LRRC4C: variants seen among roughly 807,000 people sequenced by gnomAD.
The protein encoded by LRRC4C is leucine rich repeat containing 4C.
LRRC4C carries 5 observed loss-of-function variants against 33.6 expected under a neutral mutation model. The ratio of observed to expected loss-of-function variants is 0.15; its 90% CI spans 0.08 to 0.31. The LOEUF (loss-of-function observed/expected upper bound fraction) is 0.31, where lower values mean the gene tolerates loss of function less well. Among genes scored for constraint, LRRC4C ranks in the 10% least tolerant of loss-of-function variants. LRRC4C has a pLI of 1.00. For missense variants in LRRC4C, 560 were observed against 796.7 expected (o/e 0.70, Z 3.58); for synonymous variants, 329 against 302.0 (o/e 1.09, Z -0.93).
chr11:40,559,702 G>A (rs1230493817), intron 3 of LRRC4C, among the ~76,000 whole-genome samples: 4 of 151,928 alleles, frequency 2.6e-5, no homozygotes, highest in African/African-American at 9.7e-5. Flanking sequence ...TTTTTAATAG[G>A]TTTGACTTTT....
chr11:40,778,940 C>T (rs567889846), intron 2 of LRRC4C, among the ~76,000 whole-genome samples: 11 of 152,098 alleles, frequency 7.2e-5, no homozygotes, highest in Non-Finnish European at 1.6e-4. Context: ...GCAATGGAAA[C>T]CTGTTGCAGC....
intron 5 of LRRC4C, among the ~76,000 whole-genome samples, chr11:40,224,482 C>T (rs1199015027): frequency 6.6e-6 from 1 of 152,178 alleles, no homozygotes; most frequent in Non-Finnish European, 1.5e-5. Context: ...TACAATTTAA[C>T]ACAAAGAAAA....
At chr11:40,352,408 C>T (rs979444005) in intron 3 of LRRC4C, among the ~76,000 whole-genome samples, 1 of 151,834 alleles carries the variant, frequency 6.6e-6, no homozygotes, top group Non-Finnish European at 1.5e-5. Flanking sequence ...AACTTCATCC[C>T]ACTCCGCTTT....
intron 2 of LRRC4C, among the ~76,000 whole-genome samples, chr11:40,653,205 G>A (rs1224080714): frequency 6.6e-6 from 1 of 152,166 alleles, no homozygotes; most frequent in Non-Finnish European, 1.5e-5. Context: ...CTGAAAATAT[G>A]GAAGTGACTT....
chr11:40,186,030 C>T (rs1015257093), intron 5 of LRRC4C, among the ~76,000 whole-genome samples: 3 of 152,186 alleles, frequency 2.0e-5, no homozygotes, highest in Non-Finnish European at 4.4e-5. Flanking sequence ...CTTAGTACTT[C>T]CTGCAATCTG....
At chr11:40,417,360 C>G (rs1431882698) in intron 3 of LRRC4C, among the ~76,000 whole-genome samples, 2 of 151,824 alleles carry the variant, frequency 1.3e-5, no homozygotes, top group Non-Finnish European at 2.9e-5. Flanking sequence ...GAGATGGAGT[C>G]TTGCTCTGTG....
intron 1 of LRRC4C, among the ~76,000 whole-genome samples, chr11:40,981,413 C>CAAA (rs113295551): frequency 1.7e-5 from 2 of 117,620 alleles, no homozygotes; most frequent in African/African-American, 6.0e-5. Context: ...GACTCCGTCT[C>CAAA]AAAAAAAAAA....
chr11:40,531,408 G>A (rs1236652268), intron 3 of LRRC4C, among the ~76,000 whole-genome samples: 2 of 152,094 alleles, frequency 1.3e-5, no homozygotes, highest in Non-Finnish European at 2.9e-5. Context: ...CAAAGGGACT[G>A]TGATATGTAA....
At chr11:40,892,060 G>A (rs572767720) in intron 2 of LRRC4C, among the ~76,000 whole-genome samples, 12 of 150,308 alleles carry the variant, frequency 8.0e-5, no homozygotes, top group Non-Finnish European at 1.0e-4. Context: ...ACTTGAACCC[G>A]TGAGGCGGAG....
chr11:40,456,875 G>A (rs1477830252), intron 3 of LRRC4C, among the ~76,000 whole-genome samples: 1 of 150,268 alleles, frequency 6.7e-6, no homozygotes, highest in African/African-American at 2.4e-5. Flanking sequence ...GAAAGAGAAA[G>A]AGCATGGAGA....
At chr11:41,136,327 T>C (rs144980160) in intron 1 of LRRC4C, among the ~76,000 whole-genome samples, 1 of 152,214 alleles carries the variant, frequency 6.6e-6, no homozygotes, top group African/African-American at 2.4e-5. Flanking sequence ...GGAAACAATA[T>C]GTGAAAAGGA....
chr11:40,724,803 CAA>C (rs1947206749), intron 2 of LRRC4C, among the ~76,000 whole-genome samples: 1 of 151,790 alleles, frequency 6.6e-6, no homozygotes, highest in Non-Finnish European at 1.5e-5. Context: ...ACTAACAAAA[CAA>C]AAGTTGGTTT....
chr11:40,613,833 G>C (rs1336350479), intron 3 of LRRC4C, among the ~76,000 whole-genome samples: 1 of 151,826 alleles, frequency 6.6e-6, no homozygotes, highest in African/African-American at 2.4e-5. Context: ...ATCTCTGTAA[G>C]AGTCTTAGGT....
intron 1 of LRRC4C, among the ~76,000 whole-genome samples, chr11:41,261,173 C>A (rs1315962696): frequency 6.6e-6 from 1 of 152,022 alleles, no homozygotes; most frequent in Non-Finnish European, 1.5e-5. Context: ...CTTTTGACAA[C>A]CCTTACCCTT....
At chr11:40,545,895 G>C (rs76789680) in intron 3 of LRRC4C, among the ~76,000 whole-genome samples, 13 of 152,068 alleles carry the variant, frequency 8.5e-5, no homozygotes, top group Admixed American at 1.3e-4. Context: ...TTGTCATTAC[G>C]TTCATCTGTA....
rs1171786592 is a variant in LRRC4C, at chr11:40,696,303, A to ATATATATATGG, written c.-406-48026_-406-48025insCCATATATATA. On this transcript the variant is annotated intron_variant, in intron 2 of 6. Coordinates refer to ENST00000528697, the MANE Select transcript of LRRC4C (RefSeq NM_001258419.2). ...CCACATATATATATATATATATGGTATATATATATGTGGTATATATATGAG... is the reference window on the plus strand; with the variant it reads ...CCACATATATATATATATATATGGTATATATATATGGTATATATATGTGGTATATATATGAG... 4.4e-3 allele frequency among the ~76,000 whole-genome samples: 568 copies of ATATATATATGG among 129,720 alleles called. 8 individuals carry two copies. The highest frequency in any genetic ancestry group is 0.021 in the African/African-American group (545 of 25,556). The allele number at this position is 129,720 out of a possible 152,430, so 85.1% of individuals were successfully genotyped here. A position where few individuals can be genotyped will look rare whatever the true frequency, so the allele number is the denominator to read the frequency against.
intron 1 of LRRC4C, among the ~76,000 whole-genome samples, chr11:41,271,177 G>T (rs969035440): frequency 6.6e-6 from 1 of 152,082 alleles, no homozygotes; most frequent in African/African-American, 2.4e-5. Context: ...TAAAGGTCAT[G>T]CAAGTCTCCC....
chr11:40,810,191 TCTA>T (rs1188860475), intron 2 of LRRC4C, among the ~76,000 whole-genome samples: 2 of 152,218 alleles, frequency 1.3e-5, no homozygotes, highest in African/African-American at 2.4e-5. Context: ...ATCCAATGTT[TCTA>T]TATCTTCCAT....
chr11:41,393,669 G>A (rs1437399557), intron 1 of LRRC4C, among the ~76,000 whole-genome samples: 2 of 151,914 alleles, frequency 1.3e-5, no homozygotes, highest in Non-Finnish European at 2.9e-5. Context: ...GTTATACTTT[G>A]TAGTTAGAGG....
Sources: gnomAD v4.1 joint callset for allele counts (sites outside exome capture counted in the v4.1 genomes callset) on GRCh38, gnomAD v4.1.1 for gene constraint, MANE v1.5 for transcripts, NCBI Gene and HGNC (gene_info 2026-07-23, HGNC 2026-07-21) for gene names.